The following TNKS1BP1 variants were observed in gnomAD, a reference collection of about 807,000 sequenced individuals.
The protein encoded by TNKS1BP1 is 182 kDa tankyrase-1-binding protein.
In TNKS1BP1, 48 loss-of-function variants were observed where a neutral mutation model predicts 141.1. That is an observed-to-expected ratio of 0.34 (90% CI 0.27 to 0.43). The LOEUF (loss-of-function observed/expected upper bound fraction) is 0.43, where lower values mean the gene tolerates loss of function less well. TNKS1BP1 is among the 20% of genes least tolerant of loss of function. The probability of loss-of-function intolerance (pLI) is 1.00; values close to 1 mark genes in which losing one functional copy is unlikely to be tolerated. For synonymous variants in TNKS1BP1, 875 were observed against 898.2 expected (o/e 0.97, Z 0.46); for missense variants, 2,149 against 2,226.0 (o/e 0.97, Z 0.70).
intron 11 of TNKS1BP1, 52 bp downstream of exon 11, chr11:57,300,476 T>C: frequency 6.3e-7 from 1 of 1,583,972 alleles, no homozygotes; most frequent in Non-Finnish European, 8.7e-7. Flanking sequence ...CTCCGAAGCC[T>C]CCAGGGCAGG....
intron 6 of TNKS1BP1, among the ~76,000 whole-genome samples, chr11:57,304,020 G>A (rs1157261683): frequency 1.3e-5 from 2 of 152,008 alleles, no homozygotes; most frequent in Admixed American, 1.3e-4. Flanking sequence ...CAGAGAGCTT[G>A]TGCGCTGTTT....
rs747589966 is a variant in TNKS1BP1 at position 57,302,166 on chromosome 11, C to T, written c.4742G>A (p.Arg1581His). The T allele has an allele frequency of 4.3e-6, 7 of 1,613,384 alleles. No individual in the cohort carries two copies. The highest frequency in any genetic ancestry group is 2.2e-5 in the East Asian group (1 of 44,884). Reference sequence around the variant, plus strand: ...CCGAATGACCGGGGCCCGGTGCCCACGCTTGCGCCCCAAGTTGGCACGGCT... The same window carrying T: ...CCGAATGACCGGGGCCCGGTGCCCATGCTTGCGCCCCAAGTTGGCACGGCT... ...YRSRANLGRK[R>H]GHRAPVIRPG... The change falls in exon 8 of 12, where the codon CGT becomes CAT. Residue 1581 changes from arginine (R) to histidine (H), a missense_variant. Physicochemically the swap from Arg to His is conservative, Grantham distance 29. Coordinates refer to ENST00000358252, the MANE Select transcript of TNKS1BP1 (RefSeq NM_033396.3). This position sits in a 1 kb window ranked among gnomAD's most constrained non-coding sequence, Gnocchi z 5.5.
In TNKS1BP1 at chr11:57,308,922, C is replaced by T; in HGVS notation, c.3789G>A (p.Val1263=). The part of the protein sequence containing the change: ...SGVGQTDWSG[V]EAGEFLKSRE... ...TTGATTTAAGGAACTCTCCGGCCTC[C>T]ACACCTGACCAGTCAGTCTGCCCCA... The change falls in exon 6 of 12, where the codon GTG becomes GTA. Residue 1263 remains valine (V), a synonymous_variant. Transcript: ENST00000358252. 6.2e-7 allele frequency: 1 copy of T among 1,614,014 alleles called. No individual in the cohort carries two copies. Among genetic ancestry groups the T allele is most frequent in the Non-Finnish European group, 8.5e-7 (1 of 1,180,018 alleles).
chr11:57,312,370 G>A (rs187230309), intron 5 of TNKS1BP1, among the ~76,000 whole-genome samples, 164 bp downstream of exon 5: 162 of 152,212 alleles, frequency 1.1e-3, no homozygotes, highest in African/African-American at 3.7e-3. Flanking sequence ...CACACACACC[G>A]TCCTGTGTGG....
intron 6 of TNKS1BP1, among the ~76,000 whole-genome samples, chr11:57,306,433 C>T (rs1160690963): frequency 6.6e-6 from 1 of 152,188 alleles, no homozygotes; most frequent in African/African-American, 2.4e-5. Context: ...TGCTAATATA[C>T]AGACTAAGTC....
At position 57,309,366 on chromosome 11, in the gene TNKS1BP1, G is replaced by A. The variant is rs113027859; in HGVS notation, c.3345C>T (p.Ile1115=). 4.3e-5 allele frequency: 70 copies of A among 1,614,114 alleles called. No individual in the cohort carries two copies. The highest frequency in any genetic ancestry group is 3.1e-4 in the East Asian group (14 of 44,884). The change falls in exon 6 of 12, where the codon ATC becomes ATT. Residue 1115 remains isoleucine, a synonymous_variant. Transcript: ENST00000358252. The surrounding 1 kb of genome is among the most constrained non-coding windows in gnomAD (Gnocchi z 4.3). ...ACTGATAGCTCCTCTCACTGGCCTC[G>A]ATGCAGAAGTCCCGGCTCCAGTCCT... ...GQQDWSRDFC[I]EASERSYQFG... is the part of the protein sequence containing the mutation.
chr11:57,321,930 T>G lies in TNKS1BP1; in HGVS notation c.-45A>C. On this transcript the variant is annotated 5_prime_UTR_variant, in exon 2 of 12. Coordinates refer to ENST00000358252, the MANE Select transcript of TNKS1BP1 (RefSeq NM_033396.3). ...TTGAGAGCGGGGAGGCAGAGAGGTATGAGCTGGGGTGGCTGCAGACCTAGG... is the reference window on the plus strand; with the variant it reads ...TTGAGAGCGGGGAGGCAGAGAGGTAGGAGCTGGGGTGGCTGCAGACCTAGG... 6.2e-7 allele frequency: 1 copy of G among 1,607,270 alleles called. No homozygotes were observed. Among genetic ancestry groups the G allele is most frequent in the Non-Finnish European group, 8.5e-7 (1 of 1,177,064 alleles).
chr11:57,313,696 C>T lies in TNKS1BP1; in HGVS notation c.992G>A (p.Cys331Tyr), dbSNP rs1341999378. 1.3e-6 allele frequency: 2 copies of T among 1,580,536 alleles called. No homozygotes were observed. The highest frequency in any genetic ancestry group is 1.8e-5 in the Admixed American group (1 of 54,074). The change falls in exon 5 of 12, where the codon TGC becomes TAC. Residue 331 changes from cysteine to tyrosine, a missense_variant. Transcript: ENST00000358252. ...QTPEASQASP[C>Y]PAVTPSAPSA... Reference sequence around the variant, plus strand: ...TGGAGCTGATGGAGTCACAGCGGGGCAGGGAGAAGCCTGGGAAGCTTCAGG... The same window carrying T: ...TGGAGCTGATGGAGTCACAGCGGGGTAGGGAGAAGCCTGGGAAGCTTCAGG...
Position 57,300,890 on chromosome 11 carries a change from G to A in TNKS1BP1, c.5123C>T (p.Ser1708Phe), listed in dbSNP as rs1855515015. 1.2e-6 allele frequency: 2 copies of A among 1,613,724 alleles called. No individual in the cohort carries two copies. The highest frequency in any genetic ancestry group is 1.7e-6 in the Non-Finnish European group (2 of 1,179,760). Residue 1708 changes from serine to phenylalanine, a missense_variant, in exon 10 of 12, where the codon TCC becomes TTC. Physicochemically the swap from Ser to Phe is radical, Grantham distance 155. Transcript: ENST00000358252. ...PLTLPPKPEKSSGSEGSSPNW... is the reference protein window; with the variant it reads ...PLTLPPKPEKFSGSEGSSPNW... ...CAGAGCTTAGGTCACCTACCCTGAGGATTTCTCTGGCTTGGGAGGTAACGT... is the reference window on the plus strand; with the variant it reads ...CAGAGCTTAGGTCACCTACCCTGAGAATTTCTCTGGCTTGGGAGGTAACGT...
intron 4 of TNKS1BP1, among the ~76,000 whole-genome samples, chr11:57,314,658 G>A (rs911637766): frequency 2.0e-5 from 3 of 152,178 alleles, no homozygotes; most frequent in African/African-American, 7.2e-5. Flanking sequence ...GGACTCATGG[G>A]ATGATGGCGG....
In TNKS1BP1 at chr11:57,302,840, G is replaced by C; in HGVS notation, c.4317-15C>G. 1 of 1,502,312 alleles carries C rather than the reference G, an allele frequency of 6.7e-7. No individual in the cohort carries two copies. The highest frequency in any genetic ancestry group is 8.9e-7 in the Non-Finnish European group (1 of 1,129,038). The allele number at this position is 1,502,312 out of a possible 1,614,324, so 93.1% of individuals were successfully genotyped here. On this transcript the variant is annotated splice_polypyrimidine_tract_variant and intron_variant, in intron 6 of 11. Transcript: ENST00000358252. The surrounding 1 kb of genome is among the most constrained non-coding windows in gnomAD (Gnocchi z 5.5). ...ACCTGCCAGGGCTGTAAAGGGGACAGAGAGAGAACGAGATCATCGTAAGGC... is the reference window on the plus strand; with the variant it reads ...ACCTGCCAGGGCTGTAAAGGGGACACAGAGAGAACGAGATCATCGTAAGGC...
chr11:57,321,744 T>TCCCCCCCCCCCC, intron 2 of TNKS1BP1, 48 bp downstream of exon 2: 1 of 1,039,820 alleles, frequency 9.6e-7, no homozygotes, highest in Non-Finnish European at 1.5e-6. Context: ...CCTCTGTCCT[T>TCCCCCCCCCCCC]CCCACCCCCC....
At position 57,312,797 on chromosome 11, in the gene TNKS1BP1, A is replaced by G. The variant is rs761522667; in HGVS notation, c.1891T>C (p.Cys631Arg). ...QEQPAAPDQP[C>R]VLFADAPEPG... Reference sequence around the variant, plus strand: ...TCAGGGGCATCAGCAAAGAGAACACAGGGCTGGTCAGGGGCTGCTGGCTGC... The same window carrying G: ...TCAGGGGCATCAGCAAAGAGAACACGGGGCTGGTCAGGGGCTGCTGGCTGC... The change falls in exon 5 of 12, where the codon TGT (cysteine) becomes CGT (arginine). Residue 631 changes from cysteine to arginine, a missense_variant. Physicochemically the swap from Cys to Arg is radical, Grantham distance 180 (BLOSUM62 -3). Transcript: ENST00000358252. The G allele has an allele frequency of 1.4e-5, 23 of 1,611,484 alleles. No homozygotes were observed. Among genetic ancestry groups the G allele is most frequent in the Non-Finnish European group, 2.0e-5 (23 of 1,178,772 alleles).
intron 6 of TNKS1BP1, among the ~76,000 whole-genome samples, chr11:57,304,419 T>G (rs1565038376): frequency 6.6e-6 from 1 of 152,156 alleles, no homozygotes; most frequent in Non-Finnish European, 1.5e-5. Context: ...GGAGCAGCCC[T>G]GGCTGGGGGC....
chr11:57,318,527 C>T (rs547192226), intron 3 of TNKS1BP1, among the ~76,000 whole-genome samples: 7 of 152,324 alleles, frequency 4.6e-5, no homozygotes, highest in African/African-American at 1.4e-4. Context: ...CTCAGCTTCC[C>T]GCTTAGCCCA....
Position 57,320,231 on chromosome 11 carries a change from A to G in TNKS1BP1, c.576T>C (p.Asp192=), listed in dbSNP as rs757291145. The change falls in exon 3 of 12, where the codon GAT becomes GAC. Residue 192 remains aspartate (D), a synonymous_variant. Coordinates refer to ENST00000358252, the MANE Select transcript of TNKS1BP1 (RefSeq NM_033396.3). ...LWGSRLTFNH[D]GSSRYGPRTY... ...TCCTGGGGCCATATCGCGAGCTGCC[A>G]TCGTGGTTAAAGGTGAGGCGGGAAC... 6.2e-7 allele frequency: 1 copy of G among 1,614,160 alleles called. No homozygotes were observed. The highest frequency in any genetic ancestry group is 1.7e-5 in the Admixed American group (1 of 60,032).
intron 6 of TNKS1BP1, among the ~76,000 whole-genome samples, chr11:57,305,728 T>C (rs1481514659): frequency 1.3e-5 from 2 of 152,176 alleles, no homozygotes; most frequent in African/African-American, 4.8e-5. Flanking sequence ...ACTGCCTCTC[T>C]GGGTCTCAGT....
chr11:57,300,435 T>C, intron 11 of TNKS1BP1, 93 bp downstream of exon 11: 1 of 1,127,950 alleles, frequency 8.9e-7, no homozygotes, highest in Non-Finnish European at 1.3e-6. Context: ...CAGAAAGGGG[T>C]GGGAGCTAAG....
chr11:57,318,449 G>A (rs1474603498), intron 3 of TNKS1BP1, among the ~76,000 whole-genome samples: 1 of 152,216 alleles, frequency 6.6e-6, no homozygotes, highest in African/African-American at 2.4e-5. Flanking sequence ...ACTAGCTCTG[G>A]GGCCAAGGCT....
Sources: gnomAD v4.1 joint callset for allele counts (sites outside exome capture counted in the v4.1 genomes callset) on GRCh38, gnomAD v4.1.1 for gene constraint, Gnocchi (gnomAD v3.1) non-coding constraint, MANE v1.5 for transcripts, NCBI Gene and HGNC (gene_info 2026-07-23, HGNC 2026-07-21) for gene names.